IFT80: variants seen among roughly 807,000 people sequenced by gnomAD.
IFT80 encodes intraflagellar transport 80.
IFT80 carries 79 observed loss-of-function variants against 107.9 expected under a neutral mutation model. That is an observed-to-expected ratio of 0.73 (90% confidence interval 0.61 to 0.88). IFT80 has a LOEUF of 0.88. Ranked by LOEUF, IFT80 falls within the 40% of genes least tolerant of loss-of-function variation. IFT80 has a pLI of 0.00. For synonymous variants in IFT80, 299 were observed against 300.9 expected (o/e 0.99, Z 0.07); for missense variants, 797 against 914.2 (o/e 0.87, Z 1.65).
In IFT80 at chr3:160,319,825, C is replaced by T. The variant is rs1444985851; in HGVS notation, c.892G>A (p.Val298Met). Reference protein sequence around the residue: ...CGNGHVVFAHVVEQHWEWKNF... With the variant: ...CGNGHVVFAHMVEQHWEWKNF... ...TTCCACTCCCAATGTTGTTCCACCA[C>T]ATGTGCAAAAACGACATGTCCATTT... The change falls in exon 9 of 20, where the codon GTG (valine) becomes ATG (methionine). Residue 298 changes from valine to methionine, a missense_variant. Coordinates refer to ENST00000326448, the MANE Select transcript of IFT80 (RefSeq NM_020800.3). The T allele has an allele frequency of 6.2e-7, 1 of 1,612,976 alleles. No homozygotes were observed. Among genetic ancestry groups the T allele is most frequent in the African/African-American group, 1.3e-5 (1 of 74,864 alleles).
At chr3:160,307,588 T>A (rs1277493227) in intron 10 of IFT80, 75 bp downstream of exon 10, 1 of 853,818 alleles carries the variant, frequency 1.2e-6, no homozygotes, top group Non-Finnish European at 2.0e-6. Flanking sequence ...ACCACGCTGA[T>A]GTGAAATCCT....
At chr3:160,260,094 C>A (rs993656392) in intron 19 of IFT80, among the ~76,000 whole-genome samples, 16 of 152,082 alleles carry the variant, frequency 1.1e-4, no homozygotes, top group African/African-American at 3.6e-4. Flanking sequence ...ATATCCCATA[C>A]CTGAATTGCT....
chr3:160,312,760 A>G (rs1221362994), intron 9 of IFT80, among the ~76,000 whole-genome samples: 2 of 43,512 alleles, frequency 4.6e-5, no homozygotes, highest in African/African-American at 8.4e-5. Context: ...ATATATATAT[A>G]AATGTATATT....
chr3:160,269,526 T>G (rs1363767651), intron 18 of IFT80, among the ~76,000 whole-genome samples: 1 of 152,214 alleles, frequency 6.6e-6, no homozygotes, highest in African/African-American at 2.4e-5. Context: ...TAAAGTAATA[T>G]TTTATTTAAA....
chr3:160,364,600 T>G (rs898490446), intron 6 of IFT80, among the ~76,000 whole-genome samples: 1 of 152,050 alleles, frequency 6.6e-6, no homozygotes, highest in African/African-American at 2.4e-5. Context: ...TTGGAACCAA[T>G]ACAAATGTCC....
chr3:160,397,108 G>A (rs190536364), intron 1 of IFT80, among the ~76,000 whole-genome samples: 283 of 152,260 alleles, frequency 1.9e-3, no homozygotes, highest in Non-Finnish European at 3.5e-3. Flanking sequence ...GTATATGACT[G>A]ACTTCAAGGG....
At chr3:160,322,405 T>C (rs1486918182) in intron 8 of IFT80, among the ~76,000 whole-genome samples, 1 of 151,998 alleles carries the variant, frequency 6.6e-6, no homozygotes, top group Non-Finnish European at 1.5e-5. Context: ...ATGGTGTATA[T>C]GTGCCACATT....
chr3:160,383,210 A>G (rs1168863797), intron 2 of IFT80, among the ~76,000 whole-genome samples: 1 of 152,242 alleles, frequency 6.6e-6, no homozygotes, highest in Non-Finnish European at 1.5e-5. Context: ...AGAAATGAGA[A>G]GACTGCCAGA....
At chr3:160,333,438 G>GT (rs1216804136) in intron 8 of IFT80, among the ~76,000 whole-genome samples, 1 of 152,020 alleles carries the variant, frequency 6.6e-6, no homozygotes, top group East Asian at 1.9e-4. Flanking sequence ...GACTCTTGTA[G>GT]TAACACTAAA....
At chr3:160,279,526 A>G (rs746031570) in intron 15 of IFT80, among the ~76,000 whole-genome samples, 162 bp from the exon 16 acceptor site, 19 of 152,242 alleles carry the variant, frequency 1.2e-4, no homozygotes, top group Non-Finnish European at 2.6e-4. Flanking sequence ...ATATGTTCAA[A>G]AAAAATTTCA....
At chr3:160,361,943 AC>A in intron 6 of IFT80, among the ~76,000 whole-genome samples, 1 of 152,344 alleles carries the variant, frequency 6.6e-6, no homozygotes, top group East Asian at 1.9e-4. Context: ...TAAAATTGAC[AC>A]CCTAACATCA....
intron 19 of IFT80, among the ~76,000 whole-genome samples, chr3:160,263,907 G>A (rs1713069210): frequency 6.6e-6 from 1 of 152,134 alleles, no homozygotes; most frequent in Non-Finnish European, 1.5e-5. Context: ...TCCTGAACTT[G>A]TGATCTGCCC....
intron 19 of IFT80, among the ~76,000 whole-genome samples, chr3:160,264,079 G>A (rs1275435746): frequency 6.6e-6 from 1 of 151,804 alleles, no homozygotes; most frequent in Non-Finnish European, 1.5e-5. Context: ...TGGGATTACA[G>A]GCTTGAGCCA....
Position 160,307,766 on chromosome 3 carries a change from TAAG to T in IFT80, c.970_972del (p.Leu324del). The T allele has an allele frequency of 6.4e-7, 1 of 1,558,790 alleles. No homozygotes were observed. ...AATTCCAGTAAATCCACTGCATCAT[TAAG>T]AACATTACGAACCTAAACAAGGAAA... On this transcript the variant is annotated inframe_deletion, in exon 10 of 20. Coordinates refer to ENST00000326448, the MANE Select transcript of IFT80 (RefSeq NM_020800.3).
intron 5 of IFT80, among the ~76,000 whole-genome samples, chr3:160,372,228 T>G (rs1329465471): frequency 1.3e-5 from 2 of 152,206 alleles, no homozygotes; most frequent in Non-Finnish European, 2.9e-5. Flanking sequence ...TTCCAAATTT[T>G]ATGATAATTC....
intron 8 of IFT80, among the ~76,000 whole-genome samples, chr3:160,328,587 T>C (rs773811181): frequency 3.3e-5 from 5 of 151,722 alleles, no homozygotes; most frequent in Non-Finnish European, 7.4e-5. Flanking sequence ...AGTATGGCAA[T>C]TCCTCAAAGA....
At chr3:160,319,735 A>C in intron 9 of IFT80, 25 bp downstream of exon 9, 1 of 1,593,756 alleles carries the variant, frequency 6.3e-7, no homozygotes, top group Non-Finnish European at 8.6e-7. Flanking sequence ...AAGCAGGTTT[A>C]ATCAACCTTG....
intron 1 of IFT80, 78 bp from the exon 2 acceptor site, chr3:160,384,724 A>C: frequency 9.1e-7 from 1 of 1,103,958 alleles, no homozygotes; most frequent in Non-Finnish European, 1.3e-6. Context: ...AAGGCAAACA[A>C]AACATCATTG....
At chr3:160,330,359 A>G (rs1434886268) in intron 8 of IFT80, among the ~76,000 whole-genome samples, 3 of 152,206 alleles carry the variant, frequency 2.0e-5, no homozygotes, top group Admixed American at 2.0e-4. Context: ...GCTCTCTGAC[A>G]GTACCTTACC....
Sources: allele counts gnomAD v4.1 joint callset (sites outside exome capture counted in the v4.1 genomes callset), GRCh38; gene constraint gnomAD v4.1.1; transcripts MANE v1.5; gene names NCBI Gene and HGNC (gene_info 2026-07-23, HGNC 2026-07-21).